The following PLEKHG1 variants were observed in gnomAD, a reference collection of about 807,000 sequenced individuals.
The protein encoded by PLEKHG1 is pleckstrin homology and RhoGEF domain containing G1.
In PLEKHG1, 44 loss-of-function variants were observed where a neutral mutation model predicts 100.8. The observed-to-expected ratio is 0.44, with a 90% confidence interval of 0.34 to 0.56. The LOEUF (loss-of-function observed/expected upper bound fraction) is 0.56. Ranked by LOEUF, PLEKHG1 falls within the 20% of genes least tolerant of loss-of-function variation. PLEKHG1 has a pLI of 0.01. For missense variants in PLEKHG1, 1,545 were observed against 1,720.9 expected, an observed-to-expected ratio of 0.90 and a Z score of 1.81; for synonymous variants, 640 against 662.5, an observed-to-expected ratio of 0.97 and a Z score of 0.52.
At position 150,690,673 on chromosome 6, in the gene PLEKHG1, T is replaced by A. The variant is rs535355315; in HGVS notation, c.-99+39887T>A. Among the ~76,000 whole-genome samples, 7 of 152,236 alleles carry A rather than the reference T, an allele frequency of 4.6e-5. No individual in the cohort carries two copies. The South Asian group carries it at 1.2e-3, about 27-fold the overall frequency. On this transcript the variant is annotated intron_variant, in intron 3 of 3. Coordinates refer to the PLEKHG1 transcript ENST00000367326. The stretch of plus-strand genomic sequence containing the variant: ...TGAGAGGAAGGGTGCAAAATGAAAC[T>A]CTGGATTAGGAGTGAAAATTATCAT...
intron 1 of PLEKHG1, among the ~76,000 whole-genome samples, chr6:150,615,194 T>G (rs1217334583): frequency 6.6e-6 from 1 of 152,212 alleles, no homozygotes; most frequent in East Asian, 1.9e-4. Context: ...CTTTGCGACT[T>G]CATGGTTTGA....
At chr6:150,778,686 C>A (rs903936883) in intron 3 of PLEKHG1, among the ~76,000 whole-genome samples, 2 of 152,172 alleles carry the variant, frequency 1.3e-5, no homozygotes, top group African/African-American at 2.4e-5. Flanking sequence ...ACCTTCTTTA[C>A]CCCTGTAACC....
chr6:150,808,988 G>T (rs1787317525), intron 7 of PLEKHG1, 117 bp from the exon 9 acceptor site: 1 of 752,648 alleles, frequency 1.3e-6, no homozygotes, highest in Non-Finnish European at 2.2e-6. Flanking sequence ...CACGTAGATA[G>T]TTAGACCCCC....
chr6:150,722,758 T>C (rs779606277), intron 1 of PLEKHG1, among the ~76,000 whole-genome samples: 12 of 152,208 alleles, frequency 7.9e-5, no homozygotes, highest in Non-Finnish European at 2.9e-5. Flanking sequence ...TCCTCCTTTT[T>C]CTTTAAGAAA....
chr6:150,810,669 C>A (rs1344372507), intron 10 of PLEKHG1, among the ~76,000 whole-genome samples: 2 of 152,056 alleles, frequency 1.3e-5, no homozygotes, highest in Non-Finnish European at 2.9e-5. Context: ...TTGGGAGGCA[C>A]TAGCACCTTG....
chr6:150,624,504 C>T (rs535355773), intron 1 of PLEKHG1, among the ~76,000 whole-genome samples: 1 of 152,230 alleles, frequency 6.6e-6, no homozygotes, highest in Admixed American at 6.5e-5. Context: ...TCAGCCAGGA[C>T]GATTTTACTT....
In PLEKHG1 at chr6:150,638,359, T is replaced by C. The variant is rs567192085; in HGVS notation, c.-158+234T>C. Among the ~76,000 whole-genome samples the C allele has an allele frequency of 3.9e-5, 6 of 152,332 alleles. No individual in the cohort carries two copies. In the East Asian group the frequency reaches 1.2e-3, roughly 29 times the overall value. ...GTTTCCTTCCATCTCCCAAGTCTTC[T>C]GTAAAAGCTAGTCCAATTGCCCTCC... On this transcript the variant is annotated intron_variant, in intron 2 of 3. Coordinates refer to the PLEKHG1 transcript ENST00000367326.
chr6:150,612,048 C>G (rs1020699227), intron 1 of PLEKHG1, among the ~76,000 whole-genome samples: 13 of 63,238 alleles, frequency 2.1e-4, no homozygotes, highest in Non-Finnish European at 4.6e-4. Context: ...GTGTTGTTCC[C>G]CCCCCCCCCC....
intron 3 of PLEKHG1, among the ~76,000 whole-genome samples, chr6:150,696,078 A>G (rs1242400561): frequency 6.6e-6 from 1 of 152,226 alleles, no homozygotes; most frequent in Non-Finnish European, 1.5e-5. Context: ...GAAGACTGGT[A>G]TCCAAAACCC....
At chr6:150,616,205 C>G (rs1294777914) in intron 1 of PLEKHG1, among the ~76,000 whole-genome samples, 2 of 152,184 alleles carry the variant, frequency 1.3e-5, no homozygotes, top group African/African-American at 4.8e-5. Flanking sequence ...ATCTTAGTCA[C>G]TCCAAGGCTA....
chr6:150,646,639 T>G (rs1271765520), intron 2 of PLEKHG1, among the ~76,000 whole-genome samples: 2 of 151,582 alleles, frequency 1.3e-5, no homozygotes, highest in Non-Finnish European at 2.9e-5. Flanking sequence ...AAGAAAGGGG[T>G]TTTTATGTTG....
chr6:150,831,241 G>A lies in PLEKHG1; in HGVS notation c.2130G>A (p.Lys710=), dbSNP rs1358265975. 2 of 1,614,144 alleles carry A rather than the reference G, an allele frequency of 1.2e-6. No homozygotes were observed. The highest frequency in any genetic ancestry group is 1.6e-4 in the Middle Eastern group (1 of 6,062). Residue 710 remains lysine, a synonymous_variant, in exon 15 of 16, where the codon AAG becomes AAA. Coordinates refer to ENST00000358517, the Ensembl canonical transcript of PLEKHG1. The surrounding 1 kb of genome is among the most constrained non-coding windows in gnomAD (Gnocchi z 4.1). ...CAAAGAGGCAAGCTGGCCACAGTAA[G>A]GGCTCTCTTTACGCACAAACAGATG...
upstream of PLEKHG1, among the ~76,000 whole-genome samples, chr6:150,718,615 A>T (rs2035986): frequency 0.39 from 59,611 of 151,716 alleles, 12,469 homozygotes; most frequent in Middle Eastern, 0.51. Context: ...GATTATAGGC[A>T]TGCACCACCA....
intron 15 of PLEKHG1, among the ~76,000 whole-genome samples, chr6:150,837,982 A>C (rs959598005): frequency 6.6e-6 from 1 of 152,222 alleles, no homozygotes; most frequent in Non-Finnish European, 1.5e-5. Context: ...TGTAATGAGA[A>C]GTTAGACTAT....
At chr6:150,646,261 T>C (rs970077941) in intron 2 of PLEKHG1, among the ~76,000 whole-genome samples, 2 of 152,092 alleles carry the variant, frequency 1.3e-5, no homozygotes, top group Middle Eastern at 3.2e-3. Flanking sequence ...CTTGTTCTTA[T>C]CTAATAGTGG....
At chr6:150,799,799 CAATT>C (rs879486853) in intron 5 of PLEKHG1, among the ~76,000 whole-genome samples, 4 of 152,176 alleles carry the variant, frequency 2.6e-5, no homozygotes, top group Non-Finnish European at 2.9e-5. Flanking sequence ...CTGATTTTCT[CAATT>C]AATCCTGAAA....
chr6:150,819,532 C>G, intron 11 of PLEKHG1, 147 bp from the exon 13 acceptor site: 1 of 415,788 alleles, frequency 2.4e-6, no homozygotes, highest in South Asian at 5.3e-5. Context: ...TGCCACCGCA[C>G]TTCAGCGTGG....
chr6:150,833,875 G>A (rs1017682689), intron 15 of PLEKHG1, among the ~76,000 whole-genome samples: 44 of 152,286 alleles, frequency 2.9e-4, no homozygotes, highest in African/African-American at 1.0e-3. Flanking sequence ...TCAGCACATT[G>A]GGACAGGTTG....
intron 2 of PLEKHG1, among the ~76,000 whole-genome samples, chr6:150,744,787 C>T (rs1783063020): frequency 6.6e-6 from 1 of 152,180 alleles, no homozygotes; most frequent in African/African-American, 2.4e-5. Flanking sequence ...TGACTGGCTT[C>T]TTGAAACTTG....
Sources: allele counts gnomAD v4.1 joint callset (sites outside exome capture counted in the v4.1 genomes callset), GRCh38; gene constraint gnomAD v4.1.1; non-coding constraint Gnocchi (gnomAD v3.1); transcripts MANE v1.5; gene names NCBI Gene and HGNC (gene_info 2026-07-23, HGNC 2026-07-21).